Variants in GPC3 observed in about 807,000 individuals in gnomAD.
GPC3 encodes the protein glypican-3.
GPC3 carries 3 observed loss-of-function variants against 34.4 expected under a neutral mutation model. The ratio of observed to expected loss-of-function variants is 0.09; its 90% CI spans 0.04 to 0.23. The LOEUF is 0.23. GPC3 is among the 10% of genes least tolerant of loss of function. The pLI, the probability that GPC3 is intolerant of heterozygous loss-of-function variation, is 1.00. For synonymous variants in GPC3, 177 were observed against 174.0 expected, an observed-to-expected ratio of 1.02 and a Z score of -0.13; for missense variants, 351 against 445.6, an observed-to-expected ratio of 0.79 and a Z score of 1.91.
intron 2 of GPC3, among the ~76,000 whole-genome samples, chrX:133,764,559 C>T (rs908393345): frequency 4.5e-5 from 5 of 111,933 alleles, no homozygotes; most frequent in African/African-American, 1.6e-4. Flanking sequence ...CCTTCATCAT[C>T]GCTCAGAATG....
At chrX:133,973,291 C>T (rs752475798) in intron 1 of GPC3, among the ~76,000 whole-genome samples, 1 of 113,019 alleles carries the variant, frequency 8.8e-6, no homozygotes, top group South Asian at 3.6e-4. Context: ...GGCTCCGCCA[C>T]TTACACAACC....
chrX:133,793,281 G>C (rs1478257332), intron 2 of GPC3, among the ~76,000 whole-genome samples: 1 of 111,583 alleles, frequency 9.0e-6, no homozygotes, highest in African/African-American at 3.3e-5. Flanking sequence ...AGGTGTGCAA[G>C]AAAATATATA....
At chrX:133,727,303 C>T (rs1569421635) in intron 3 of GPC3, among the ~76,000 whole-genome samples, 1 of 110,905 alleles carries the variant, frequency 9.0e-6, no homozygotes, top group East Asian at 2.8e-4. Context: ...CCTAGCACTT[C>T]GGGAGGCTGA....
At chrX:133,861,683 G>A (rs2075936945) in intron 2 of GPC3, among the ~76,000 whole-genome samples, 1 of 110,849 alleles carries the variant, frequency 9.0e-6, no homozygotes, top group Admixed American at 9.6e-5. Context: ...ATCCCTCAAT[G>A]GCTTGGTGCT....
At chrX:133,614,176 A>C (rs1326120613) in intron 6 of GPC3, among the ~76,000 whole-genome samples, 1 of 111,769 alleles carries the variant, frequency 8.9e-6, no homozygotes. Flanking sequence ...AGGAGAGAGA[A>C]ATAGGAAGAA....
chrX:133,814,085 A>G (rs1461618207), intron 2 of GPC3, among the ~76,000 whole-genome samples: 3 of 111,806 alleles, frequency 2.7e-5, no homozygotes, highest in African/African-American at 6.5e-5. Flanking sequence ...GTGAGGCTTG[A>G]AGCATGGAGA....
chrX:133,540,220 A>G (rs2069329230), intron 7 of GPC3, among the ~76,000 whole-genome samples: 1 of 113,089 alleles, frequency 8.8e-6, no homozygotes, highest in Non-Finnish European at 1.9e-5. Flanking sequence ...CCAAAGGAAA[A>G]GAAGTCATTC....
intron 2 of GPC3, among the ~76,000 whole-genome samples, chrX:133,811,578 G>C (rs191055561): frequency 5.4e-5 from 6 of 111,648 alleles, no homozygotes; most frequent in Admixed American, 3.8e-4. Flanking sequence ...TGCATATCTA[G>C]AGACAGTTAT....
intron 5 of GPC3, among the ~76,000 whole-genome samples, chrX:133,679,803 T>C (rs1471142793): frequency 9.0e-6 from 1 of 110,869 alleles, no homozygotes; most frequent in African/African-American, 3.3e-5. Flanking sequence ...TAGAGGCACA[T>C]GCCACCACGC....
chrX:133,967,619 G>GTTTGT (rs960791604), intron 1 of GPC3, among the ~76,000 whole-genome samples: 6 of 111,817 alleles, frequency 5.4e-5, no homozygotes, highest in Non-Finnish European at 9.4e-5. Flanking sequence ...TTTTTTGTTT[G>GTTTGT]TTTGTTTTGT....
chrX:133,692,472 A>G lies in GPC3; in HGVS notation c.1189T>C (p.Ser397Pro). 8.3e-7 allele frequency: 1 copy of G among 1,204,391 alleles called. No individual in the cohort carries two copies. Among genetic ancestry groups the G allele is most frequent in the Non-Finnish European group, 1.1e-6 (1 of 888,513 alleles). ...AAAGCACTATAGAAGCTGATGAAAG[A>G]CTTCAACTTCTGAATTAGTTCCCTA... ...RRRELIQKLK[S>P]FISFYSALPG... Residue 397 changes from serine to proline, a missense_variant, in exon 5 of 8, where the codon TCT (serine) becomes CCT (proline). By Grantham distance (74) the Ser-to-Pro change is moderately conservative (BLOSUM62 -1). Coordinates refer to ENST00000370818, the MANE Select transcript of GPC3 (RefSeq NM_004484.4).
intron 2 of GPC3, among the ~76,000 whole-genome samples, chrX:133,787,417 T>C (rs1337333467): frequency 4.4e-5 from 5 of 112,766 alleles, no homozygotes; most frequent in Admixed American, 9.3e-5. Flanking sequence ...CAGGATTTTT[T>C]TCCCCATTGT....
intron 2 of GPC3, among the ~76,000 whole-genome samples, chrX:133,907,680 C>G (rs1285429082): frequency 9.0e-6 from 1 of 111,453 alleles, no homozygotes; most frequent in African/African-American, 3.3e-5. Context: ...ATTCACTCCT[C>G]TACTATGGAA....
intron 6 of GPC3, among the ~76,000 whole-genome samples, chrX:133,607,782 A>G (rs1204040718): frequency 8.9e-6 from 1 of 112,246 alleles, no homozygotes; most frequent in Non-Finnish European, 1.9e-5. Flanking sequence ...TTCCCCACAG[A>G]TGAGGGAGAC....
chrX:133,910,414 GA>G lies in GPC3; in HGVS notation c.337+42635del, dbSNP rs995749419. Among the ~76,000 whole-genome samples, 6 of 108,360 alleles carry G rather than the reference GA, an allele frequency of 5.5e-5. No individual in the cohort carries two copies. The South Asian group carries it at 1.2e-3, about 22-fold the overall frequency. The allele number at this position is 108,360 out of a possible 115,157, so 94.1% of individuals were successfully genotyped here. A position where few individuals can be genotyped will look rare whatever the true frequency, so the allele number is the denominator to read the frequency against. ...ATATAACCATGTATATAACAGAATG[GA>G]AAAAAAAAGGCAGACTTGAGTGCTA... On this transcript the variant is annotated intron_variant, in intron 2 of 7. Transcript: ENST00000370818.
chrX:133,859,013 G>T (rs992435859), intron 2 of GPC3, among the ~76,000 whole-genome samples: 30 of 107,231 alleles, frequency 2.8e-4, no homozygotes, highest in Non-Finnish European at 5.2e-4. Context: ...CCCGGGAAGC[G>T]GAGCTTGCAG....
At chrX:133,869,306 G>A (rs761304007) in intron 2 of GPC3, among the ~76,000 whole-genome samples, 2 of 111,807 alleles carry the variant, frequency 1.8e-5, no homozygotes, top group Non-Finnish European at 3.8e-5. Flanking sequence ...GATACATGGC[G>A]CCTAGGAAGA....
chrX:133,722,262 G>T (rs1187050565), intron 3 of GPC3, among the ~76,000 whole-genome samples: 3 of 111,302 alleles, frequency 2.7e-5, no homozygotes, highest in African/African-American at 9.8e-5. Context: ...GATTTAAGAT[G>T]TTTTTTTCTG....
intron 6 of GPC3, among the ~76,000 whole-genome samples, chrX:133,648,561 C>T (rs1011050285): frequency 4.5e-5 from 5 of 112,084 alleles, no homozygotes; most frequent in Non-Finnish European, 9.4e-5. Flanking sequence ...CTGATGTTAA[C>T]TGATCTGACC....
Sources: allele counts gnomAD v4.1 joint callset (sites outside exome capture counted in the v4.1 genomes callset), GRCh38; gene constraint gnomAD v4.1.1; transcripts MANE v1.5; gene names NCBI Gene and HGNC (gene_info 2026-07-23, HGNC 2026-07-21).